Variants in ASPRV1 observed in about 807,000 individuals in gnomAD.
ASPRV1 encodes aspartic peptidase retroviral like 1, also known as retroviral-like aspartic protease 1.
In ASPRV1, 7 loss-of-function variants were observed where a neutral mutation model predicts 11.0. The observed-to-expected ratio is 0.64, with a 90% CI of 0.36 to 1.20. ASPRV1 has a LOEUF of 1.20. Ranked by LOEUF, ASPRV1 falls within the 50% of genes most tolerant of loss-of-function variation. ASPRV1 has a pLI of 0.02. For synonymous variants in ASPRV1, 136 were observed against 138.4 expected, an observed-to-expected ratio of 0.98 and a Z score of 0.12; for missense variants, 299 against 320.0, an observed-to-expected ratio of 0.93 and a Z score of 0.50.
At chr2:70,054,984 T>C in the ASPRV1 span, among the ~76,000 whole-genome samples, 115 of 152,222 alleles carry the variant, frequency 7.6e-4, no homozygotes, top group Admixed American at 1.9e-3. Flanking sequence ...AGGATCACAT[T>C]TATAAGGTGA....
At chr2:69,977,833 G>A in the ASPRV1 span, among the ~76,000 whole-genome samples, 64 of 152,334 alleles carry the variant, frequency 4.2e-4, no homozygotes, top group Non-Finnish European at 7.2e-4. Context: ...TAACTCCAGA[G>A]GGGGGAGTGA....
At chr2:70,064,983 T>C in the ASPRV1 span, among the ~76,000 whole-genome samples, 1 of 151,940 alleles carries the variant, frequency 6.6e-6, no homozygotes, top group Non-Finnish European at 1.5e-5. Context: ...TAATCCCAGC[T>C]ACTGAGGAGG....
the ASPRV1 span, chr2:69,938,550 C>T: frequency 3.7e-5 from 15 of 403,498 alleles, no homozygotes; most frequent in Admixed American, 1.2e-4. Flanking sequence ...ATTCTTAGAC[C>T]GAATAAGCAA....
At chr2:69,994,085 C>T in the ASPRV1 span, 6 of 152,364 alleles carry the variant, frequency 3.9e-5, no homozygotes, top group East Asian at 1.2e-3. Context: ...GGGGCCAAGA[C>T]TCACTTGCAC....
At chr2:70,075,999 GT>G in the ASPRV1 span, among the ~76,000 whole-genome samples, 1 of 152,222 alleles carries the variant, frequency 6.6e-6, no homozygotes, top group African/African-American at 2.4e-5. Context: ...ATAGGTGTTT[GT>G]TTAGCTCCAT....
At chr2:69,962,309 G>T, upstream of ASPRV1, 1 of 164,216 alleles carries the variant, frequency 6.1e-6, no homozygotes. Flanking sequence ...GAGGCAGAGG[G>T]GTGGCCAAGC....
chr2:69,959,324 G>A (rs185271697), downstream of ASPRV1, among the ~76,000 whole-genome samples: 532 of 152,186 alleles, frequency 3.5e-3, 4 homozygotes, highest in Non-Finnish European at 5.6e-3. Flanking sequence ...GAACAGGCTC[G>A]CCCGATGTGC....
At chr2:70,007,335 T>A in the ASPRV1 span, among the ~76,000 whole-genome samples, 1 of 152,102 alleles carries the variant, frequency 6.6e-6, no homozygotes, top group African/African-American at 2.4e-5. Context: ...CTAACCAACA[T>A]GGAGAAACTC....
chr2:69,935,713 G>T, the ASPRV1 span, among the ~76,000 whole-genome samples: 1 of 152,186 alleles, frequency 6.6e-6, no homozygotes, highest in Admixed American at 6.5e-5. Flanking sequence ...GTCCGTGATA[G>T]CTCCTGCTCC....
the ASPRV1 span, among the ~76,000 whole-genome samples, chr2:69,988,236 G>A: frequency 1.3e-5 from 2 of 152,162 alleles, no homozygotes; most frequent in African/African-American, 4.8e-5. Flanking sequence ...CAGCATTATT[G>A]GTTTGCAATA....
At chr2:69,998,480 G>A in the ASPRV1 span, among the ~76,000 whole-genome samples, 8 of 152,250 alleles carry the variant, frequency 5.3e-5, no homozygotes, top group African/African-American at 1.7e-4. Flanking sequence ...AGTGGCTCAC[G>A]CCTGTAATCC....
At chr2:69,943,712 C>A in the ASPRV1 span, among the ~76,000 whole-genome samples, 1 of 152,160 alleles carries the variant, frequency 6.6e-6, no homozygotes, top group African/African-American at 2.4e-5. Context: ...GAGGACACAT[C>A]TAAGAACAGC....
Position 69,961,221 on chromosome 2 carries a change from C to T in ASPRV1, c.216G>A (p.Gln72=). 1 of 1,614,070 alleles carries T rather than the reference C, an allele frequency of 6.2e-7. No homozygotes were observed. The highest frequency in any genetic ancestry group is 8.5e-7 in the Non-Finnish European group (1 of 1,179,978). The change falls in exon 1 of 1, where the codon CAG becomes CAA. Residue 72 remains glutamine, a synonymous_variant. Transcript: ENST00000320256. The part of the protein sequence containing the change: ...ALGVYNRLSP[Q]DQGDYGTVKE... ...TCACAGTCCCATAGTCTCCCTGGTC[C>T]TGGGGACTGAGCCTATTGTAGACAC... is the stretch of plus-strand genomic sequence containing the variant.
chr2:69,975,545 C>G, the ASPRV1 span: 1 of 152,240 alleles, frequency 6.6e-6, no homozygotes, highest in South Asian at 2.1e-4. Flanking sequence ...GACTTTGCCA[C>G]CAAATTCACT....
the ASPRV1 span, among the ~76,000 whole-genome samples, chr2:70,080,018 G>A: frequency 3.3e-5 from 5 of 152,096 alleles, no homozygotes; most frequent in East Asian, 3.8e-4. Context: ...TTAGTAAGTG[G>A]GATCAGAGAA....
the ASPRV1 span, among the ~76,000 whole-genome samples, chr2:69,995,836 G>T: frequency 6.6e-6 from 1 of 152,204 alleles, no homozygotes; most frequent in Non-Finnish European, 1.5e-5. Flanking sequence ...GCCAGCGTTA[G>T]GGGGAGAAAG....
the ASPRV1 span, among the ~76,000 whole-genome samples, chr2:70,045,029 A>C: frequency 6.6e-6 from 1 of 152,182 alleles, no homozygotes; most frequent in Non-Finnish European, 1.5e-5. Context: ...GCCAATTGGT[A>C]TCTTTCCCAC....
At chr2:69,994,661 A>T in the ASPRV1 span, among the ~76,000 whole-genome samples, 4 of 152,232 alleles carry the variant, frequency 2.6e-5, no homozygotes, top group Admixed American at 2.0e-4. Context: ...CTGGGTCATG[A>T]AATCAATTTA....
the ASPRV1 span, among the ~76,000 whole-genome samples, chr2:70,039,822 G>C: frequency 6.6e-6 from 1 of 152,152 alleles, no homozygotes; most frequent in African/African-American, 2.4e-5. Context: ...TCTTGAATAA[G>C]AAAAGAAAGA....
Sources: gnomAD v4.1 joint callset for allele counts (sites outside exome capture counted in the v4.1 genomes callset) on GRCh38, gnomAD v4.1.1 for gene constraint, MANE v1.5 for transcripts, NCBI Gene and HGNC (gene_info 2026-07-23, HGNC 2026-07-21) for gene names.